Variants in RELN observed in about 807,000 individuals in gnomAD.
RELN encodes the protein reelin.
In RELN, 108 loss-of-function variants were observed where a neutral mutation model predicts 427.6. The observed-to-expected ratio is 0.25, with a 90% CI of 0.22 to 0.30. RELN has a LOEUF of 0.30. Among genes scored for constraint, RELN ranks in the 10% least tolerant of loss-of-function variants. RELN has a pLI of 1.00. For synonymous variants in RELN, 1,524 were observed against 1,513.4 expected (o/e 1.01, Z -0.16); for missense variants, 3,715 against 4,302.8 (o/e 0.86, Z 3.82).
At chr7:103,743,720 A>C (rs924588205) in intron 6 of RELN, among the ~76,000 whole-genome samples, 10 of 152,186 alleles carry the variant, frequency 6.6e-5, no homozygotes, top group Admixed American at 1.3e-4. Context: ...TAACTATCCT[A>C]AATATATATG....
intron 6 of RELN, among the ~76,000 whole-genome samples, chr7:103,736,873 A>C (rs574839274): frequency 1.2e-4 from 19 of 152,276 alleles, no homozygotes; most frequent in African/African-American, 4.3e-4. Context: ...ATTGTAGATG[A>C]AGCTTTTCCC....
chr7:103,946,207 G>A (rs1310227239), intron 1 of RELN, among the ~76,000 whole-genome samples: 1 of 152,150 alleles, frequency 6.6e-6, no homozygotes, highest in African/African-American at 2.4e-5. Flanking sequence ...TGAAATCAAT[G>A]TAAAGTTATC....
intron 4 of RELN, among the ~76,000 whole-genome samples, chr7:103,762,638 TTC>T (rs1309333445): frequency 6.6e-6 from 1 of 152,214 alleles, no homozygotes; most frequent in Non-Finnish European, 1.5e-5. Context: ...GCTGAATGGA[TTC>T]TGATAACATC....
chr7:103,635,366 G>C (rs1227191626), intron 19 of RELN, 59 bp downstream of exon 19: 1 of 1,556,512 alleles, frequency 6.4e-7, no homozygotes, highest in Non-Finnish European at 8.8e-7. Flanking sequence ...TTTGAATTAT[G>C]ATTTCCCCAG....
chr7:103,594,288 C>G (rs1831487556), intron 26 of RELN, 33 bp downstream of exon 26: 2 of 1,580,008 alleles, frequency 1.3e-6, no homozygotes, highest in Non-Finnish European at 1.7e-6. Flanking sequence ...TTATAATTAT[C>G]TGTCTTCTTG....
At chr7:103,788,169 G>T (rs575298630) in intron 3 of RELN, among the ~76,000 whole-genome samples, 3 of 152,200 alleles carry the variant, frequency 2.0e-5, no homozygotes, top group African/African-American at 2.4e-5. Context: ...CAATAAACTA[G>T]GTATTGATGG....
At chr7:103,524,614 T>C (rs957797277) in intron 46 of RELN, among the ~76,000 whole-genome samples, 6 of 152,204 alleles carry the variant, frequency 3.9e-5, no homozygotes, top group Non-Finnish European at 8.8e-5. Context: ...TCCATATATG[T>C]TCTGTCATTA....
At chr7:103,702,978 G>T (rs1478185971) in intron 8 of RELN, among the ~76,000 whole-genome samples, 5 of 152,160 alleles carry the variant, frequency 3.3e-5, no homozygotes, top group Non-Finnish European at 5.9e-5. Context: ...TGTACCCTGA[G>T]AAACAGAACT....
chr7:103,858,963 AAAG>A (rs1461576891), intron 2 of RELN, among the ~76,000 whole-genome samples: 12 of 152,304 alleles, frequency 7.9e-5, no homozygotes, highest in Middle Eastern at 3.4e-3. Context: ...GAGAACAGAG[AAAG>A]AAGAAGACTG....
At chr7:103,912,245 G>C (rs1036100938) in intron 2 of RELN, among the ~76,000 whole-genome samples, 19 of 151,376 alleles carry the variant, frequency 1.3e-4, no homozygotes, top group African/African-American at 4.1e-4. Context: ...GCCCAGGCTG[G>C]AGTGCAATGG....
At chr7:103,857,838 G>T (rs1305733078) in intron 2 of RELN, among the ~76,000 whole-genome samples, 1 of 152,114 alleles carries the variant, frequency 6.6e-6, no homozygotes, top group African/African-American at 2.4e-5. Context: ...CCTACTCCAT[G>T]AAAATAAGTC....
At chr7:103,963,829 C>T (rs1796610292) in intron 1 of RELN, among the ~76,000 whole-genome samples, 1 of 152,094 alleles carries the variant, frequency 6.6e-6, no homozygotes, top group Admixed American at 6.6e-5. Flanking sequence ...CAGAGTTACA[C>T]TAATATCACA....
Position 103,749,473 on chromosome 7 carries a change from T to C in RELN, c.609A>G (p.Arg203=). Residue 203 remains arginine (R), a synonymous_variant, in exon 6 of 65, where the codon AGA becomes AGG. Coordinates refer to ENST00000428762, the MANE Select transcript of RELN (RefSeq NM_005045.4). ...AEIHSDSIIL[R]DDFDSYHQLQ... ...GTTGGTGGTAGGAGTCAAAGTCATC[T>C]CTCAGGATAATGCTGTCACTATGTA... is the stretch of plus-strand genomic sequence containing the variant. 6.2e-7 allele frequency: 1 copy of C among 1,613,112 alleles called. No individual in the cohort carries two copies. The highest frequency in any genetic ancestry group is 8.5e-7 in the Non-Finnish European group (1 of 1,179,146).
At chr7:103,775,135 T>A (rs1190361805) in intron 4 of RELN, among the ~76,000 whole-genome samples, 1 of 152,194 alleles carries the variant, frequency 6.6e-6, no homozygotes, top group Non-Finnish European at 1.5e-5. Context: ...TCTGACACTA[T>A]AAATTTTCCA....
intron 1 of RELN, among the ~76,000 whole-genome samples, chr7:103,980,747 C>T (rs890996083): frequency 6.6e-6 from 1 of 152,170 alleles, no homozygotes; most frequent in Non-Finnish European, 1.5e-5. Context: ...TTAAGTGCTA[C>T]TTTAGGGTTT....
chr7:103,542,372 C>A (rs1021424620), intron 43 of RELN, among the ~76,000 whole-genome samples: 3 of 152,046 alleles, frequency 2.0e-5, no homozygotes, highest in African/African-American at 7.2e-5. Flanking sequence ...TTCTACATAG[C>A]GCAAGTGCTA....
intron 4 of RELN, among the ~76,000 whole-genome samples, chr7:103,758,221 G>C (rs17155576): frequency 0.18 from 26,742 of 152,074 alleles, 2,579 homozygotes; most frequent in East Asian, 0.3. Context: ...CCTTTGTAAA[G>C]CTTGATCAAG....
intron 3 of RELN, among the ~76,000 whole-genome samples, chr7:103,826,508 A>G (rs1348404340): frequency 6.6e-6 from 1 of 152,128 alleles, no homozygotes; most frequent in Admixed American, 6.6e-5. Context: ...AGAGCTTAAT[A>G]ATATGCTGCT....
chr7:103,602,571 TAACACAAG>T (rs1265552447), intron 24 of RELN, among the ~76,000 whole-genome samples: 11 of 152,056 alleles, frequency 7.2e-5, no homozygotes, highest in Non-Finnish European at 1.5e-4. Context: ...CTTAGCAAAC[TAACACAAG>T]AACAGAAAAC....
Sources: gnomAD v4.1 joint callset for allele counts (sites outside exome capture counted in the v4.1 genomes callset) on GRCh38, gnomAD v4.1.1 for gene constraint, MANE v1.5 for transcripts, NCBI Gene and HGNC (gene_info 2026-07-23, HGNC 2026-07-21) for gene names.